ST18: variants seen among roughly 807,000 people sequenced by gnomAD.
ST18 encodes ST18 C2H2C-type zinc finger transcription factor.
Under a neutral mutation model 110.0 loss-of-function variants are expected in ST18, and 50 were observed. That is an observed-to-expected ratio of 0.45 (90% CI 0.36 to 0.58). The LOEUF is 0.58. Among genes scored for constraint, ST18 ranks in the 20% least tolerant of loss-of-function variants. ST18 has a pLI of 0.00. For synonymous variants in ST18, 461 were observed against 452.4 expected (o/e 1.02, Z -0.24); for missense variants, 1,306 against 1,280.1 (o/e 1.02, Z -0.31).
At chr8:52,244,446 G>C (rs2137830541) in intron 2 of ST18, among the ~76,000 whole-genome samples, 1 of 152,246 alleles carries the variant, frequency 6.6e-6, no homozygotes, top group Non-Finnish European at 1.5e-5. Flanking sequence ...ATTTTGTTTA[G>C]AGTTGGAACC....
intron 2 of ST18, among the ~76,000 whole-genome samples, chr8:52,379,217 C>T (rs57526493): frequency 0.16 from 24,622 of 151,538 alleles, 3,269 homozygotes; most frequent in African/African-American, 0.36. Context: ...CCTGCCTCAG[C>T]CCCCCGAGTA....
In ST18 at chr8:52,225,387, T is replaced by C. The variant is rs561742535; in HGVS notation, c.-418-3594A>G. Among the ~76,000 whole-genome samples the C allele has an allele frequency of 5.3e-5, 8 of 152,312 alleles. No individual in the cohort carries two copies. The East Asian group carries it at 1.2e-3, about 22-fold the overall frequency. ...CATTATAAACATATTCAAATAAGCT[T>C]AACACAATCTGCCATGCTTATTTCT... On this transcript the variant is annotated intron_variant, in intron 3 of 25. Transcript: ENST00000689386.
At chr8:52,295,095 G>A (rs1033127522) in intron 2 of ST18, among the ~76,000 whole-genome samples, 3 of 152,178 alleles carry the variant, frequency 2.0e-5, no homozygotes, top group Non-Finnish European at 2.9e-5. Context: ...ATCACCTCTA[G>A]CCTGACAAAC....
Position 52,332,569 on chromosome 8 carries a change from C to T in ST18, c.-465+76759G>A, listed in dbSNP as rs1564515343. Among the ~76,000 whole-genome samples, 3 of 118,374 alleles carry T rather than the reference C, an allele frequency of 2.5e-5. No homozygotes were observed. In the South Asian group the frequency reaches 8.4e-4, roughly 33 times the overall value. The allele number at this position is 118,374 out of a possible 152,430, so 77.7% of individuals were successfully genotyped here. A position where few individuals can be genotyped will look rare whatever the true frequency, so the allele number is the denominator to read the frequency against. On this transcript the variant is annotated intron_variant, in intron 2 of 25. Coordinates refer to ENST00000689386, the MANE Select transcript of ST18 (RefSeq NM_001352837.2). ...TTTTTTTTTTTTTTTAACTAAAATG[C>T]AGGCCGGGCACGGTGGCTCAAGCCT...
chr8:52,203,234 AAG>A (rs1179261743), intron 8 of ST18, among the ~76,000 whole-genome samples: 1 of 152,176 alleles, frequency 6.6e-6, no homozygotes, highest in Non-Finnish European at 1.5e-5. Flanking sequence ...TATATGCAAA[AAG>A]TTTCATTAGT....
chr8:52,216,018 A>AT (rs1197553126), intron 6 of ST18, among the ~76,000 whole-genome samples: 4 of 152,198 alleles, frequency 2.6e-5, no homozygotes, highest in Non-Finnish European at 5.9e-5. Context: ...ACACCAACCT[A>AT]TTGTTATCTT....
At chr8:52,356,154 A>G (rs1337453109) in intron 2 of ST18, among the ~76,000 whole-genome samples, 1 of 152,176 alleles carries the variant, frequency 6.6e-6, no homozygotes, top group African/African-American at 2.4e-5. Context: ...CTAAGCTGTC[A>G]CCTCTGGCTG....
intron 2 of ST18, among the ~76,000 whole-genome samples, chr8:52,261,613 T>G (rs981939692): frequency 6.6e-6 from 1 of 152,344 alleles, no homozygotes; most frequent in African/African-American, 2.4e-5. Flanking sequence ...ATGCTTCCAG[T>G]TTGGTTTCTA....
intron 2 of ST18, among the ~76,000 whole-genome samples, chr8:52,289,799 C>A (rs997045380): frequency 1.3e-5 from 2 of 152,126 alleles, no homozygotes; most frequent in African/African-American, 4.8e-5. Context: ...GAAGCAGGAG[C>A]CACATGGAGC....
rs2133808269 is a variant in ST18, at chr8:52,171,917, T to C, written c.944A>G (p.Glu315Gly). 6.2e-7 allele frequency: 1 copy of C among 1,614,238 alleles called. No individual in the cohort carries two copies. Among genetic ancestry groups the C allele is most frequent in the East Asian group, 2.2e-5 (1 of 44,882 alleles). Residue 315 changes from glutamate to glycine, a missense_variant, in exon 10 of 26, where the codon GAG (glutamate) becomes GGG (glycine). By Grantham distance (98) the Glu-to-Gly change is moderately conservative. Coordinates refer to ENST00000689386, the MANE Select transcript of ST18 (RefSeq NM_001352837.2). ...GGTGTTATGGAAAACACAACCTCGCTCAGCCTGCAGAGCAATTGCCTGCTC... is the reference window on the plus strand; with the variant it reads ...GGTGTTATGGAAAACACAACCTCGCCCAGCCTGCAGAGCAATTGCCTGCTC... The part of the protein sequence containing the change: ...LLEQAIALQA[E>G]RGCVFHNTYK...
At chr8:52,189,807 C>G (rs2073866112) in intron 8 of ST18, among the ~76,000 whole-genome samples, 1 of 152,132 alleles carries the variant, frequency 6.6e-6, no homozygotes, top group Admixed American at 6.5e-5. Flanking sequence ...AAACCTGTCC[C>G]AGGGGGTGTC....
chr8:52,144,067 A>G (rs1245569995), intron 16 of ST18, among the ~76,000 whole-genome samples: 1 of 152,126 alleles, frequency 6.6e-6, no homozygotes, highest in East Asian at 1.9e-4. Flanking sequence ...TAAGTTTAAT[A>G]CTGACCTTGA....
chr8:52,276,468 CA>C (rs1440742642), intron 2 of ST18, among the ~76,000 whole-genome samples: 1 of 151,704 alleles, frequency 6.6e-6, no homozygotes, highest in Admixed American at 6.6e-5. Context: ...TCTATGAAAC[CA>C]AAAAAAGGAA....
At chr8:52,340,002 G>A (rs1814121429) in intron 2 of ST18, among the ~76,000 whole-genome samples, 1 of 152,202 alleles carries the variant, frequency 6.6e-6, no homozygotes, top group Admixed American at 6.5e-5. Flanking sequence ...TAATTTTGCT[G>A]TAAAGTGTTA....
chr8:52,213,383 A>C (rs1400174272), intron 7 of ST18, among the ~76,000 whole-genome samples: 1 of 149,166 alleles, frequency 6.7e-6, no homozygotes, highest in Non-Finnish European at 1.5e-5. Context: ...TGTACATCTC[A>C]ACACCCTCCT....
intron 2 of ST18, among the ~76,000 whole-genome samples, chr8:52,232,542 T>G (rs1362766759): frequency 6.6e-6 from 1 of 152,156 alleles, no homozygotes; most frequent in Non-Finnish European, 1.5e-5. Context: ...GTGCAACGTG[T>G]TTCTTAAATA....
At chr8:52,279,635 A>G (rs1416409038) in intron 2 of ST18, among the ~76,000 whole-genome samples, 1 of 152,176 alleles carries the variant, frequency 6.6e-6, no homozygotes, top group Non-Finnish European at 1.5e-5. Context: ...GAATATTTGC[A>G]AAACAGAGAT....
At chr8:52,314,391 C>T (rs1373674784) in intron 2 of ST18, among the ~76,000 whole-genome samples, 1 of 152,142 alleles carries the variant, frequency 6.6e-6, no homozygotes, top group African/African-American at 2.4e-5. Context: ...GAATTATCTG[C>T]CCCTACTATA....
chr8:52,302,801 T>A lies in ST18; in HGVS notation c.-464-72724A>T, dbSNP rs1023974024. Reference sequence around the variant, plus strand: ...AAATCTATACAGATATAAAAATATATTTTAAATACTAGAGCAAAACAACCC... The same window carrying A: ...AAATCTATACAGATATAAAAATATAATTTAAATACTAGAGCAAAACAACCC... On this transcript the variant is annotated intron_variant, in intron 2 of 25. Coordinates refer to ENST00000689386, the MANE Select transcript of ST18 (RefSeq NM_001352837.2). 7.2e-5 allele frequency among the ~76,000 whole-genome samples: 11 copies of A among 152,294 alleles called. 1 individual carries two copies. The highest frequency in any genetic ancestry group is 5.8e-4 in the East Asian group (3 of 5,186).
Sources: allele counts gnomAD v4.1 joint callset (sites outside exome capture counted in the v4.1 genomes callset), GRCh38; gene constraint gnomAD v4.1.1; transcripts MANE v1.5; gene names NCBI Gene and HGNC (gene_info 2026-07-23, HGNC 2026-07-21).